RBFOX1: variants seen among roughly 807,000 people sequenced by gnomAD.
RBFOX1 encodes the protein RNA binding protein fox-1 homolog 1.
A neutral mutation model predicts 57.7 loss-of-function variants in RBFOX1; 8 were observed. That is an observed-to-expected ratio of 0.14 (90% CI 0.08 to 0.25). The LOEUF (loss-of-function observed/expected upper bound fraction) is 0.25, where lower values mean the gene tolerates loss of function less well. Among genes scored for constraint, RBFOX1 ranks in the 10% least tolerant of loss-of-function variants. The probability of loss-of-function intolerance (pLI) is 1.00; values close to 1 mark genes in which losing one functional copy is unlikely to be tolerated. For synonymous variants in RBFOX1, 326 were observed against 222.4 expected, an observed-to-expected ratio of 1.47 and a Z score of -4.15; for missense variants, 611 against 548.5, an observed-to-expected ratio of 1.11 and a Z score of -1.14.
intron 4 of RBFOX1, among the ~76,000 whole-genome samples, chr16:7,295,583 T>C (rs2095872628): frequency 2.0e-5 from 3 of 152,030 alleles, no homozygotes; most frequent in East Asian, 1.9e-4. Flanking sequence ...TCAGTAGACA[T>C]ATAATAGCAG....
At chr16:6,416,110 G>C (rs1003607936) in intron 2 of RBFOX1, among the ~76,000 whole-genome samples, 1 of 152,170 alleles carries the variant, frequency 6.6e-6, no homozygotes, top group Non-Finnish European at 1.5e-5. Flanking sequence ...GTCTTGTAAG[G>C]AGGAAACAAA....
chr16:5,640,376 TCATGCATGCATG>T (rs199874101), intron 3 of RBFOX1, among the ~76,000 whole-genome samples: 1 of 151,930 alleles, frequency 6.6e-6, no homozygotes, highest in African/African-American at 2.4e-5. Flanking sequence ...CACATGTACA[TCATGCATGCATG>T]CATGCATGCA....
intron 3 of RBFOX1, among the ~76,000 whole-genome samples, chr16:6,815,117 G>A (rs2089775526): frequency 6.6e-6 from 1 of 152,138 alleles, no homozygotes; most frequent in African/African-American, 2.4e-5. Context: ...CGACCATATA[G>A]CGTAACTTCC....
chr16:5,255,582 A>T (rs1029186896), intron 1 of RBFOX1, among the ~76,000 whole-genome samples: 1 of 151,208 alleles, frequency 6.6e-6, no homozygotes, highest in African/African-American at 2.4e-5. Flanking sequence ...CCATTTATCT[A>T]TCCCTCCACC....
At chr16:7,636,058 C>T (rs1312383193) in intron 11 of RBFOX1, among the ~76,000 whole-genome samples, 1 of 152,256 alleles carries the variant, frequency 6.6e-6, no homozygotes, top group East Asian at 1.9e-4. Context: ...GATCCACCCG[C>T]CTTGGCCGCC....
Position 5,520,521 on chromosome 16 carries a change from A to G in RBFOX1, c.258+53267A>G, listed in dbSNP as rs867815868. Among the ~76,000 whole-genome samples, 12 of 152,200 alleles carry G rather than the reference A, an allele frequency of 7.9e-5. No homozygotes were observed. In the South Asian group the frequency reaches 1.4e-3, roughly 18 times the overall value. ...CTGGGGTTTCTGGGAAAACATTTTC[A>G]CAATTCTCTCCCTTCCTATATCCTT... On this transcript the variant is annotated intron_variant, in intron 2 of 2. Transcript: ENST00000585867.
intron 2 of RBFOX1, among the ~76,000 whole-genome samples, chr16:5,498,904 C>T (rs1442058847): frequency 6.6e-6 from 1 of 152,202 alleles, no homozygotes; most frequent in Non-Finnish European, 1.5e-5. Context: ...GTCTGCAGGT[C>T]CATCCTTCTC....
chr16:7,022,945 T>G (rs1168092478), intron 3 of RBFOX1, among the ~76,000 whole-genome samples: 1 of 152,142 alleles, frequency 6.6e-6, no homozygotes, highest in Non-Finnish European at 1.5e-5. Flanking sequence ...TCTTTATCAC[T>G]AAATAGACAC....
At chr16:5,857,224 C>T (rs2057093783) in intron 3 of RBFOX1, among the ~76,000 whole-genome samples, 1 of 152,120 alleles carries the variant, frequency 6.6e-6, no homozygotes. Flanking sequence ...TCAGAACACA[C>T]ACTACATTTA....
At chr16:6,018,824 C>A (rs535957114), upstream of RBFOX1, among the ~76,000 whole-genome samples, 1 of 152,010 alleles carries the variant, frequency 6.6e-6, no homozygotes, top group African/African-American at 2.4e-5. Flanking sequence ...ACTACCAGGA[C>A]GAGGACGGGC....
At chr16:7,156,468 C>A (rs150258886) in intron 4 of RBFOX1, among the ~76,000 whole-genome samples, 4 of 151,902 alleles carry the variant, frequency 2.6e-5, no homozygotes, top group African/African-American at 7.3e-5. Flanking sequence ...TATACATGCA[C>A]ATATACAGGT....
At chr16:6,016,002 G>A (rs1343881934), upstream of RBFOX1, among the ~76,000 whole-genome samples, 1 of 152,218 alleles carries the variant, frequency 6.6e-6, no homozygotes. Context: ...AAATGGATGA[G>A]CAGGTTGACT....
At chr16:6,967,493 C>A (rs753165120) in intron 3 of RBFOX1, among the ~76,000 whole-genome samples, 1 of 152,100 alleles carries the variant, frequency 6.6e-6, no homozygotes, top group Admixed American at 6.5e-5. Flanking sequence ...AGTGGATAGA[C>A]GTTATTTCAG....
chr16:6,827,014 CTT>C (rs2092237815), intron 3 of RBFOX1, among the ~76,000 whole-genome samples: 1 of 152,106 alleles, frequency 6.6e-6, no homozygotes, highest in Non-Finnish European at 1.5e-5. Flanking sequence ...TGTAAACTAA[CTT>C]TTTAGTCTGG....
At position 5,792,475 on chromosome 16, in the gene RBFOX1, C is replaced by T. The variant is rs114596619; in HGVS notation, c.319-74828C>T. Among the ~76,000 whole-genome samples, 440 of 152,242 alleles carry T rather than the reference C, an allele frequency of 2.9e-3. 3 individuals carry two copies. Among genetic ancestry groups the T allele is most frequent in the African/African-American group, 9.6e-3 (400 of 41,536 alleles). ...AGTGATAACATAAACACTCACTGAACGCAAATGTTCTATGTAATATATACT... is the reference window on the plus strand; with the variant it reads ...AGTGATAACATAAACACTCACTGAATGCAAATGTTCTATGTAATATATACT... On this transcript the variant is annotated intron_variant, in intron 3 of 19. Coordinates refer to the RBFOX1 transcript ENST00000641259.
chr16:7,358,603 A>G (rs1219091639), intron 4 of RBFOX1, among the ~76,000 whole-genome samples: 2 of 152,120 alleles, frequency 1.3e-5, no homozygotes, highest in Non-Finnish European at 2.9e-5. Flanking sequence ...TATTTTTTGT[A>G]GAGACAGGGT....
At chr16:5,249,926 G>C (rs1415389225) in intron 1 of RBFOX1, among the ~76,000 whole-genome samples, 10 of 151,800 alleles carry the variant, frequency 6.6e-5, no homozygotes, top group Admixed American at 1.3e-4. Flanking sequence ...CAGTGAGGAG[G>C]AGGTTGCAGT....
At chr16:6,083,833 C>T (rs182409765) in intron 1 of RBFOX1, among the ~76,000 whole-genome samples, 1,841 of 152,180 alleles carry the variant, frequency 0.012, 17 homozygotes, top group Non-Finnish European at 0.02. Flanking sequence ...CCCACCTTCC[C>T]ATCTTCTCTA....
At chr16:7,123,839 C>T (rs912560775) in intron 4 of RBFOX1, among the ~76,000 whole-genome samples, 3 of 151,896 alleles carry the variant, frequency 2.0e-5, no homozygotes, top group Admixed American at 6.6e-5. Context: ...GGGTTTTGCA[C>T]GAGGGTGGGG....
Sources: allele counts gnomAD v4.1 joint callset (sites outside exome capture counted in the v4.1 genomes callset), GRCh38; gene constraint gnomAD v4.1.1; transcripts MANE v1.5; gene names NCBI Gene and HGNC (gene_info 2026-07-23, HGNC 2026-07-21).